The following PICALM variants were observed in gnomAD, a reference collection of about 807,000 sequenced individuals.
The protein encoded by PICALM is phosphatidylinositol-binding clathrin assembly protein.
Under a neutral mutation model 80.5 loss-of-function variants are expected in PICALM, and 40 were observed. That is an observed-to-expected ratio of 0.50 (90% CI 0.39 to 0.65). PICALM has a LOEUF of 0.65. Ranked by LOEUF, PICALM falls within the 30% of genes least tolerant of loss-of-function variation. PICALM has a pLI of 0.00. For missense variants in PICALM, 676 were observed against 778.9 expected, an observed-to-expected ratio of 0.87 and a Z score of 1.57; for synonymous variants, 288 against 260.3, an observed-to-expected ratio of 1.11 and a Z score of -1.02.
chr11:86,038,384 T>C (rs1018032463), intron 1 of PICALM, among the ~76,000 whole-genome samples: 1 of 151,974 alleles, frequency 6.6e-6, no homozygotes, highest in African/African-American at 2.4e-5. Flanking sequence ...ACCTGAGAAT[T>C]TGGCAGCCAC....
intron 13 of PICALM, among the ~76,000 whole-genome samples, chr11:85,985,038 A>G (rs2094537261): frequency 1.3e-5 from 2 of 152,174 alleles, no homozygotes; most frequent in Non-Finnish European, 2.9e-5. Flanking sequence ...CTAAGTCAGA[A>G]TATAAAAAAC....
At position 85,976,549 on chromosome 11, in the gene PICALM, G is replaced by A; in HGVS notation, c.1839+74C>T. On this transcript the variant is annotated intron_variant, in intron 18 of 19. Coordinates refer to ENST00000393346, the MANE Select transcript of PICALM (RefSeq NM_007166.4). ...TGAGGAGCACTAAATTCTTTTTTAGGTTAAATTGTAATAAAAACATGTTAT... is the reference window on the plus strand; with the variant it reads ...TGAGGAGCACTAAATTCTTTTTTAGATTAAATTGTAATAAAAACATGTTAT... The A allele has an allele frequency of 5.4e-6, 5 of 928,424 alleles. No homozygotes were observed. In the South Asian group the frequency reaches 6.6e-5, roughly 12 times the overall value. 57.5% of individuals were successfully genotyped at this position (928,424 alleles called of 1,614,324 possible). A position where few individuals can be genotyped will look rare whatever the true frequency, so the allele number is the denominator to read the frequency against.
At chr11:85,994,537 A>C (rs1592683277) in intron 12 of PICALM, among the ~76,000 whole-genome samples, 1 of 152,226 alleles carries the variant, frequency 6.6e-6, no homozygotes, top group African/African-American at 2.4e-5. Flanking sequence ...TAGCTAATAA[A>C]AGCCAATAAA....
chr11:86,011,786 TG>T (rs2095398223), intron 6 of PICALM, among the ~76,000 whole-genome samples: 1 of 152,092 alleles, frequency 6.6e-6, no homozygotes, highest in Non-Finnish European at 1.5e-5. Flanking sequence ...ACAAAATATT[TG>T]TTTTTTTCCC....
At position 86,031,625 on chromosome 11, in the gene PICALM, T is replaced by A. The variant is rs373697399; in HGVS notation, c.131-14A>T. On this transcript the variant is annotated splice_polypyrimidine_tract_variant and intron_variant, in intron 1 of 19. Coordinates refer to ENST00000393346, the MANE Select transcript of PICALM (RefSeq NM_007166.4). ...ACTGAATTAAGTCTGCAATAAAAAA[T>A]TTTTAAATGATTAATTTCCTCTGTG... is the stretch of plus-strand genomic sequence containing the variant. 4.8e-5 allele frequency: 76 copies of A among 1,579,988 alleles called. No individual in the cohort carries two copies. Among genetic ancestry groups the A allele is most frequent in the Non-Finnish European group, 6.3e-5 (73 of 1,163,918 alleles).
intron 18 of PICALM, among the ~76,000 whole-genome samples, chr11:85,975,987 A>G (rs1351931339): frequency 6.6e-6 from 1 of 152,238 alleles, no homozygotes; most frequent in Non-Finnish European, 1.5e-5. Flanking sequence ...CATATACATA[A>G]AGAAGTAACA....
chr11:86,031,672 C>T (rs2095754115), intron 1 of PICALM, 61 bp from the exon 2 acceptor site: 1 of 1,230,956 alleles, frequency 8.1e-7, no homozygotes, highest in East Asian at 2.3e-5. Flanking sequence ...TTGTTAATAC[C>T]AGATCTGCAT....
chr11:85,981,606 C>G (rs12807145), intron 16 of PICALM, 139 bp downstream of exon 16: 1 of 543,234 alleles, frequency 1.8e-6, no homozygotes, highest in African/African-American at 2.8e-5. Flanking sequence ...GACTCCGTGT[C>G]AAAAAAAAAA....
rs763392225 is a variant in PICALM at position 86,000,772 on chromosome 11, C to A, written c.1025G>T (p.Arg342Leu). Reference sequence around the variant, plus strand: ...AGGTTTCTTTGCAAGTTCTTTTAGGCGCTGTTCCTGTTAAGAAAGGGAACT... The same window carrying A: ...AGGTTTCTTTGCAAGTTCTTTTAGGAGCTGTTCCTGTTAAGAAAGGGAACT... ...QARLKALKEQ[R>L]LKELAKKPHT... is the part of the protein sequence containing the mutation. The change falls in exon 11 of 20, where the codon CGC becomes CTC. Residue 342 changes from arginine to leucine, a missense_variant. Transcript: ENST00000393346. 2 of 1,612,466 alleles carry A rather than the reference C, an allele frequency of 1.2e-6. No individual in the cohort carries two copies. Among genetic ancestry groups the A allele is most frequent in the African/African-American group, 1.3e-5 (1 of 74,954 alleles).
In PICALM at chr11:86,028,361, T is replaced by C. The variant is rs1383351513; in HGVS notation, c.274-1994A>G. Among the ~76,000 whole-genome samples the C allele has an allele frequency of 7.2e-5, 11 of 152,354 alleles. No homozygotes were observed. In the South Asian group the frequency reaches 1.7e-3, roughly 23 times the overall value. On this transcript the variant is annotated intron_variant, in intron 2 of 19. Transcript: ENST00000393346. ...TGATTAGGTACATAAGCATTTGTTA[T>C]GCCATTCACTCTACTATTGTGTATA...
At chr11:86,001,809 C>T (rs2095153829) in intron 9 of PICALM, among the ~76,000 whole-genome samples, 1 of 152,124 alleles carries the variant, frequency 6.6e-6, no homozygotes, top group Admixed American at 6.5e-5. Context: ...TCCCTTTTAT[C>T]AAAAACGTAT....
chr11:86,020,424 G>GAAAAAAAAAAAA (rs34312370), intron 4 of PICALM, among the ~76,000 whole-genome samples: 1 of 94,250 alleles, frequency 1.1e-5, no homozygotes, highest in Non-Finnish European at 2.1e-5. Flanking sequence ...ACAATCTTGG[G>GAAAAAAAAAAAA]AAAAAAAAAA....
At chr11:85,983,190 G>T (rs931350387) in intron 14 of PICALM, among the ~76,000 whole-genome samples, 5 of 152,036 alleles carry the variant, frequency 3.3e-5, no homozygotes, top group African/African-American at 9.7e-5. Context: ...TCTCTAAATG[G>T]CTAAAAGTTA....
chr11:86,021,045 C>CCCAATTTAA (rs920821096), intron 4 of PICALM, among the ~76,000 whole-genome samples: 48 of 152,002 alleles, frequency 3.2e-4, no homozygotes, highest in African/African-American at 9.7e-4. Flanking sequence ...GGGCAAGTAA[C>CCCAATTTAA]CCAATTTAAA....
At chr11:86,022,513 G>C in intron 3 of PICALM, 44 bp from the exon 4 acceptor site, 1 of 1,046,660 alleles carries the variant, frequency 9.6e-7, no homozygotes, top group Non-Finnish European at 1.4e-6. Context: ...AGAGAGACAA[G>C]TTTTTATAAA....
intron 1 of PICALM, among the ~76,000 whole-genome samples, chr11:86,066,649 C>G (rs927337190): frequency 6.8e-6 from 1 of 147,174 alleles, no homozygotes; most frequent in African/African-American, 2.5e-5. Context: ...CAAACCTTTA[C>G]AAAAAAAACT....
At chr11:86,006,677 G>A (rs1333542682) in intron 8 of PICALM, among the ~76,000 whole-genome samples, 1 of 151,964 alleles carries the variant, frequency 6.6e-6, no homozygotes, top group Non-Finnish European at 1.5e-5. Flanking sequence ...AAAATGTCCT[G>A]GAATAATTCA....
chr11:86,054,394 G>A (rs2096239086), intron 1 of PICALM, among the ~76,000 whole-genome samples: 2 of 152,170 alleles, frequency 1.3e-5, no homozygotes, highest in South Asian at 2.1e-4. Flanking sequence ...GACGGAGGAT[G>A]GCACTGAAGA....
At chr11:86,061,490 T>C (rs922499327) in intron 1 of PICALM, among the ~76,000 whole-genome samples, 5 of 151,756 alleles carry the variant, frequency 3.3e-5, no homozygotes, top group Admixed American at 6.6e-5. Context: ...AAAGAAGATA[T>C]AAAGATGGCG....
Sources: gnomAD v4.1 joint callset for allele counts (sites outside exome capture counted in the v4.1 genomes callset) on GRCh38, gnomAD v4.1.1 for gene constraint, MANE v1.5 for transcripts, NCBI Gene and HGNC (gene_info 2026-07-23, HGNC 2026-07-21) for gene names.